LIG1: variants seen among roughly 807,000 people sequenced by gnomAD.
The protein encoded by LIG1 is ligase I, DNA, ATP-dependent.
A neutral mutation model predicts 115.7 loss-of-function variants in LIG1; 70 were observed. The ratio of observed to expected loss-of-function variants is 0.60; its 90% confidence interval spans 0.50 to 0.74. LIG1 has a LOEUF of 0.74. LIG1 is among the 30% of genes least tolerant of loss of function. The pLI is 0.00. For missense variants in LIG1, 1,115 were observed against 1,225.6 expected (o/e 0.91, Z 1.35); for synonymous variants, 487 against 495.3 (o/e 0.98, Z 0.22).
intron 1 of LIG1, among the ~76,000 whole-genome samples, chr19:48,169,247 C>T (rs2036638368): frequency 2.0e-5 from 3 of 152,138 alleles, no homozygotes; most frequent in Admixed American, 6.6e-5. Flanking sequence ...ATCACAATTA[C>T]GATGGGGGTT....
At chr19:48,154,012 G>T in intron 5 of LIG1, 45 bp from the exon 6 acceptor site, 2 of 1,528,434 alleles carry the variant, frequency 1.3e-6, no homozygotes, top group African/African-American at 1.4e-5. Flanking sequence ...GCTGGCTCGT[G>T]TGCTCCCATC....
intron 26 of LIG1, 162 bp from the exon 27 acceptor site, chr19:48,116,127 C>T (rs753790625): frequency 2.3e-5 from 15 of 658,142 alleles, no homozygotes; most frequent in Non-Finnish European, 3.0e-5. Flanking sequence ...GAACAGTACC[C>T]GGGCACAGTA....
At chr19:48,162,450 T>C (rs1370260921) in intron 2 of LIG1, 99 bp from the exon 3 acceptor site, 2 of 858,360 alleles carry the variant, frequency 2.3e-6, no homozygotes, top group African/African-American at 3.5e-5. Flanking sequence ...TTTTTTTTTT[T>C]TGAGACAGAG....
At chr19:48,128,256 C>T (rs1166711840) in intron 19 of LIG1, among the ~76,000 whole-genome samples, 2 of 152,034 alleles carry the variant, frequency 1.3e-5, no homozygotes, top group East Asian at 3.9e-4. Flanking sequence ...CTTGTCATCT[C>T]CCTCCTCCTG....
At chr19:48,135,892 C>A in intron 15 of LIG1, 113 bp from the exon 16 acceptor site, 1 of 906,296 alleles carries the variant, frequency 1.1e-6, no homozygotes, top group Non-Finnish European at 1.8e-6. Context: ...GCCCAAGACG[C>A]CCCCTCCCCC....
In LIG1 at chr19:48,140,031, G is replaced by A; in HGVS notation, c.1027C>T (p.Gln343Ter). The A allele has an allele frequency of 6.2e-7, 1 of 1,614,136 alleles. No individual in the cohort carries two copies. ...TCACCCACGCCAAGCTCCAGGCCCT[G>A]CTGGGGTGGCCCAAGGTGGTTGAGG... Reference protein sequence around the residue: ...LSLNHLGPPQQGLELGVGDGV... With the variant: ...LSLNHLGPPQ The change falls in exon 12 of 28, where the codon CAG (glutamine) becomes TAG (stop). Residue 343 changes from glutamine (Q) to a stop codon, truncating the protein, a stop_gained. Transcript: ENST00000263274. LOFTEE classifies it high-confidence loss of function.
intron 14 of LIG1, 97 bp from the exon 15 acceptor site, chr19:48,136,222 CCT>C (rs2034382223): frequency 1.2e-5 from 10 of 842,494 alleles, no homozygotes; most frequent in South Asian, 1.5e-5. Flanking sequence ...GTATGTAGAC[CCT>C]CTCCTCAAAA....
chr19:48,116,427 G>A (rs2032831865), intron 26 of LIG1, among the ~76,000 whole-genome samples: 1 of 126,432 alleles, frequency 7.9e-6, no homozygotes, highest in African/African-American at 3.2e-5. Context: ...CAGCCTGGGT[G>A]ACAGAGCGAG....
intron 16 of LIG1, among the ~76,000 whole-genome samples, chr19:48,134,964 CCA>C (rs1441724775): frequency 6.6e-6 from 1 of 152,230 alleles, no homozygotes; most frequent in Non-Finnish European, 1.5e-5. Flanking sequence ...CTAGGTCCCT[CCA>C]CATGGCTCTC....
chr19:48,137,569 C>A lies in LIG1; in HGVS notation c.1207G>T (p.Gly403Trp). The change falls in exon 13 of 28, where the codon GGG becomes TGG. Residue 403 changes from glycine (G) to tryptophan (W), a missense_variant. Coordinates refer to ENST00000263274, the MANE Select transcript of LIG1 (RefSeq NM_000234.3). This position sits in a 1 kb window ranked among gnomAD's most constrained non-coding sequence, Gnocchi z 4.3. ...MLPPPPLTAS[G>W]VFSKFRDIAR... ...ATGTCGCGGAACTTGCTGAAGACCCCGGAGGCAGTGAGCGGAGGTGGTGGC... is the reference window on the plus strand; with the variant it reads ...ATGTCGCGGAACTTGCTGAAGACCCAGGAGGCAGTGAGCGGAGGTGGTGGC... 6.2e-7 allele frequency: 1 copy of A among 1,613,474 alleles called. No homozygotes were observed. Among genetic ancestry groups the A allele is most frequent in the Non-Finnish European group, 8.5e-7 (1 of 1,180,008 alleles).
intron 9 of LIG1, among the ~76,000 whole-genome samples, chr19:48,146,605 G>A (rs274896): frequency 0.33 from 50,087 of 152,086 alleles, 8,715 homozygotes; most frequent in East Asian, 0.55. Context: ...ACTTGAACCC[G>A]GGAGGTGGAG....
At position 48,121,308 on chromosome 19, in the gene LIG1, G is replaced by A. The variant is rs1169365146; in HGVS notation, c.2247C>T (p.Tyr749=). ...CCAGGGTGTCACCCACGCCATCAAG[G>A]TAGTCCTTCTTCAGCTGGGAGAAGG... is the stretch of plus-strand genomic sequence containing the variant. The part of the protein sequence containing the change: ...SHNWLKLKKD[Y]LDGVGDTLDL... Residue 749 remains tyrosine (Y), a synonymous_variant, in exon 24 of 28, where the codon TAC becomes TAT. Coordinates refer to ENST00000263274, the MANE Select transcript of LIG1 (RefSeq NM_000234.3). The A allele has an allele frequency of 3.7e-6, 6 of 1,602,150 alleles. No individual in the cohort carries two copies. In the African/African-American group the frequency reaches 5.4e-5, roughly 14 times the overall value.
intron 5 of LIG1, 75 bp downstream of exon 5, chr19:48,156,939 A>AAG: frequency 3.4e-5 from 5 of 146,450 alleles, no homozygotes; most frequent in African/African-American, 2.2e-4. Flanking sequence ...ACTATGTCTC[A>AAG]AAAAAAAAAA....
rs1219851774 is a variant in LIG1, at chr19:48,122,763, C to T, written c.2232+171G>A. 6.6e-6 allele frequency among the ~76,000 whole-genome samples: 1 copy of T among 152,020 alleles called. No individual in the cohort carries two copies. The highest frequency in any genetic ancestry group is 2.4e-5 in the African/African-American group (1 of 41,370). On this transcript the variant is annotated intron_variant, in intron 23 of 27. Transcript: ENST00000263274. The surrounding 1 kb of genome is among the most constrained non-coding windows in gnomAD (Gnocchi z 4.3). ...CCATCAGAACTCGTGAGCAAGGGCT[C>T]GCAGCAGGGAGAAGGTCTGAACTCA...
At chr19:48,118,291 T>C (rs2033008454) in intron 25 of LIG1, 1 of 195,896 alleles carries the variant, frequency 5.1e-6, no homozygotes, top group South Asian at 9.3e-5. Flanking sequence ...CCATGTGTCG[T>C]GGAGGGACCT....
chr19:48,115,906 G>C lies in LIG1; in HGVS notation c.2643C>G (p.Asp881Glu). Residue 881 changes from aspartate (D) to glutamate (E), a missense_variant, in exon 27 of 28, where the codon GAC becomes GAG. Physicochemically the swap from Asp to Glu is conservative, Grantham distance 45 (BLOSUM62 2). Coordinates refer to ENST00000263274, the MANE Select transcript of LIG1 (RefSeq NM_000234.3). The stretch of plus-strand genomic sequence containing the variant: ...TGGTGGTGGCCTGCTCCGGCTGCTT[G>C]TCTTCACGGACTCGAATAAACCGAG... ...RFPRFIRVREDKQPEQATTSA... is the reference protein window; with the variant it reads ...RFPRFIRVREEKQPEQATTSA... 1 of 1,614,076 alleles carries C rather than the reference G, an allele frequency of 6.2e-7. No homozygotes were observed. The highest frequency in any genetic ancestry group is 8.5e-7 in the Non-Finnish European group (1 of 1,180,008).
At chr19:48,120,707 G>T in intron 24 of LIG1, 1 of 376,978 alleles carries the variant, frequency 2.7e-6, no homozygotes, top group Non-Finnish European at 3.7e-6. Context: ...AACCCCCTTT[G>T]CTCTTCCCTG....
At chr19:48,158,803 G>C (rs2122985375) in intron 4 of LIG1, among the ~76,000 whole-genome samples, 1 of 152,328 alleles carries the variant, frequency 6.6e-6, no homozygotes, top group Non-Finnish European at 1.5e-5. Context: ...TGAAAGATCA[G>C]AGTTGCAGGC....
intron 24 of LIG1, chr19:48,120,038 A>G (rs533526525): frequency 2.0e-4 from 63 of 321,560 alleles, no homozygotes; most frequent in Non-Finnish European, 2.6e-4. Context: ...ACAATAGCTC[A>G]TTTAAAAATC....
Sources: allele counts gnomAD v4.1 joint callset (sites outside exome capture counted in the v4.1 genomes callset), GRCh38; gene constraint gnomAD v4.1.1; non-coding constraint Gnocchi (gnomAD v3.1); transcripts MANE v1.5; gene names NCBI Gene and HGNC (gene_info 2026-07-23, HGNC 2026-07-21).